The following TANC2 variants were observed in gnomAD, a reference collection of about 807,000 sequenced individuals.
TANC2 encodes tetratricopeptide repeat, ankyrin repeat and coiled-coil containing 2.
In TANC2, 26 loss-of-function variants were observed where a neutral mutation model predicts 210.5. That is an observed-to-expected ratio of 0.12 (90% CI 0.09 to 0.17). The LOEUF is 0.17. Ranked by LOEUF, TANC2 falls within the 10% of genes least tolerant of loss-of-function variation. The pLI, the probability that TANC2 is intolerant of heterozygous loss-of-function variation, is 1.00. For missense variants in TANC2, 2,129 were observed against 2,608.9 expected (o/e 0.82, Z 4.01); for synonymous variants, 931 against 967.1 (o/e 0.96, Z 0.69).
chr17:63,264,794 T>G (rs529840988), intron 8 of TANC2, among the ~76,000 whole-genome samples: 2 of 152,144 alleles, frequency 1.3e-5, no homozygotes, highest in African/African-American at 2.4e-5. Context: ...TCTCTACAAA[T>G]AGTAATTTTA....
At chr17:63,088,609 G>A (rs1363812946) in intron 3 of TANC2, 1 of 152,158 alleles carries the variant, frequency 6.6e-6, no homozygotes, top group Non-Finnish European at 1.5e-5. Context: ...AGTAAAATCA[G>A]CGCTCCTACT....
chr17:63,157,988 A>G (rs964490078), intron 5 of TANC2, among the ~76,000 whole-genome samples: 1 of 152,124 alleles, frequency 6.6e-6, no homozygotes, highest in Non-Finnish European at 1.5e-5. Flanking sequence ...CTTTTTTTCA[A>G]TGAATGCTTC....
intron 2 of TANC2, among the ~76,000 whole-genome samples, chr17:63,011,759 G>T (rs1413179632): frequency 6.6e-6 from 1 of 151,584 alleles, no homozygotes; most frequent in Non-Finnish European, 1.5e-5. Context: ...TTTTTAATTA[G>T]TATTTGCAAA....
At chr17:63,210,932 T>G (rs187754480) in intron 7 of TANC2, among the ~76,000 whole-genome samples, 51 of 152,308 alleles carry the variant, frequency 3.3e-4, no homozygotes, top group Admixed American at 2.8e-3. Context: ...CAAAATATCC[T>G]TTTATAATGG....
At chr17:63,202,357 A>G (rs2041562775) in intron 7 of TANC2, among the ~76,000 whole-genome samples, 1 of 152,132 alleles carries the variant, frequency 6.6e-6, no homozygotes, top group African/African-American at 2.4e-5. Context: ...CAAAACATAA[A>G]TGGCATTTCT....
At chr17:63,078,257 G>A (rs2036640857) in intron 3 of TANC2, among the ~76,000 whole-genome samples, 1 of 152,140 alleles carries the variant, frequency 6.6e-6, no homozygotes. Context: ...TGCATAATCT[G>A]TAGTGATGTA....
At chr17:63,348,063 C>G (rs2046473776) in intron 12 of TANC2, among the ~76,000 whole-genome samples, 1 of 152,218 alleles carries the variant, frequency 6.6e-6, no homozygotes, top group African/African-American at 2.4e-5. Context: ...CCACCAGGCT[C>G]AGCTGAGACA....
intron 10 of TANC2, among the ~76,000 whole-genome samples, chr17:63,316,662 T>C (rs554352929): frequency 6.6e-6 from 1 of 152,320 alleles, no homozygotes; most frequent in South Asian, 2.1e-4. Flanking sequence ...GAGAGCTAAA[T>C]ATGCGGTTCT....
At chr17:63,343,227 A>G (rs1410246303) in intron 12 of TANC2, among the ~76,000 whole-genome samples, 1 of 152,244 alleles carries the variant, frequency 6.6e-6, no homozygotes, top group Non-Finnish European at 1.5e-5. Flanking sequence ...TTTTTTAAAT[A>G]TAAAGACACA....
chr17:63,397,722 C>T (rs2048213885), intron 18 of TANC2, among the ~76,000 whole-genome samples: 1 of 152,132 alleles, frequency 6.6e-6, no homozygotes, highest in Admixed American at 6.5e-5. Flanking sequence ...ACAAGACATG[C>T]ACAATCAATA....
intron 4 of TANC2, among the ~76,000 whole-genome samples, chr17:63,107,712 A>G (rs1417678484): frequency 6.6e-6 from 1 of 151,804 alleles, no homozygotes; most frequent in Non-Finnish European, 1.5e-5. Context: ...AACCAGTCAC[A>G]AAAGAACATA....
chr17:63,008,254 T>C (rs2033712458), intron 1 of TANC2, among the ~76,000 whole-genome samples: 1 of 152,188 alleles, frequency 6.6e-6, no homozygotes, highest in Non-Finnish European at 1.5e-5. Flanking sequence ...TCTTGGTTGC[T>C]CACACTTCAT....
At chr17:63,072,838 A>G (rs2036446123) in intron 2 of TANC2, among the ~76,000 whole-genome samples, 1 of 152,126 alleles carries the variant, frequency 6.6e-6, no homozygotes, top group Non-Finnish European at 1.5e-5. Flanking sequence ...AATTATTGCT[A>G]GGCCTTACAT....
At chr17:63,112,810 C>G (rs1336101731) in intron 4 of TANC2, among the ~76,000 whole-genome samples, 1 of 152,096 alleles carries the variant, frequency 6.6e-6, no homozygotes, top group Non-Finnish European at 1.5e-5. Flanking sequence ...CTTTTTAGCT[C>G]CTGTGTTGTG....
chr17:63,112,994 C>G (rs557537484), intron 4 of TANC2, among the ~76,000 whole-genome samples: 7 of 152,260 alleles, frequency 4.6e-5, no homozygotes, highest in African/African-American at 1.7e-4. Flanking sequence ...TCCTTCTTTA[C>G]TTGCTTAACT....
intron 8 of TANC2, among the ~76,000 whole-genome samples, chr17:63,252,535 AC>A (rs1453683497): frequency 1.3e-5 from 2 of 151,166 alleles, no homozygotes; most frequent in African/African-American, 4.9e-5. Context: ...CACTACCCCC[AC>A]CCCAGCGACC....
At chr17:63,208,373 T>C (rs1386681602) in intron 7 of TANC2, among the ~76,000 whole-genome samples, 1 of 152,210 alleles carries the variant, frequency 6.6e-6, no homozygotes, top group Non-Finnish European at 1.5e-5. Context: ...ATTCAATCCA[T>C]TGGTAAATCA....
chr17:63,171,546 T>A (rs990456750), intron 5 of TANC2, among the ~76,000 whole-genome samples: 4 of 152,216 alleles, frequency 2.6e-5, no homozygotes, highest in African/African-American at 9.7e-5. Flanking sequence ...ATAAGAGCTA[T>A]CATGCAAAAC....
intron 1 of TANC2, among the ~76,000 whole-genome samples, chr17:62,982,524 A>G (rs915230320): frequency 2.0e-5 from 3 of 152,120 alleles, no homozygotes; most frequent in Non-Finnish European, 4.4e-5. Flanking sequence ...ATTCACTCCC[A>G]TAGTCATACC....
Sources: allele counts gnomAD v4.1 joint callset (sites outside exome capture counted in the v4.1 genomes callset), GRCh38; gene constraint gnomAD v4.1.1; transcripts MANE v1.5; gene names NCBI Gene and HGNC (gene_info 2026-07-23, HGNC 2026-07-21).